NT5C2: variants seen among roughly 807,000 people sequenced by gnomAD.
NT5C2 encodes the protein 5'-nucleotidase, cytosolic II, also known as cytosolic purine 5'-nucleotidase.
Under a neutral mutation model 76.1 loss-of-function variants are expected in NT5C2, and 58 were observed. That is an observed-to-expected ratio of 0.76 (90% CI 0.62 to 0.95). The LOEUF is 0.95. Ranked by LOEUF, NT5C2 falls within the 40% of genes least tolerant of loss-of-function variation. The probability of loss-of-function intolerance (pLI) is 0.00; values close to 1 mark genes in which losing one functional copy is unlikely to be tolerated. For missense variants in NT5C2, 478 were observed against 690.3 expected (o/e 0.69, Z 3.45); for synonymous variants, 229 against 237.4 (o/e 0.96, Z 0.32).
intron 1 of NT5C2, among the ~76,000 whole-genome samples, chr10:103,190,082 C>T (rs2092519637): frequency 7.0e-6 from 1 of 143,172 alleles, no homozygotes. Context: ...CTCACTGCAA[C>T]CTCCGCCTCC....
intron 3 of NT5C2, among the ~76,000 whole-genome samples, chr10:103,172,407 C>A (rs2088401518): frequency 6.6e-6 from 1 of 151,406 alleles, no homozygotes; most frequent in Non-Finnish European, 1.5e-5. Flanking sequence ...TGCCACCACA[C>A]CCGGCTAATT....
intron 4 of NT5C2, among the ~76,000 whole-genome samples, chr10:103,137,053 T>C (rs938248887): frequency 5.9e-5 from 9 of 152,226 alleles, no homozygotes; most frequent in Non-Finnish European, 1.3e-4. Context: ...ACTTACTAAA[T>C]TGAACTATTT....
rs2136283111 is a variant in NT5C2, at chr10:103,139,588, A to AT, written c.102-110dup. The AT allele has an allele frequency of 1.1e-5, 9 of 792,912 alleles. No individual in the cohort carries two copies. The East Asian group carries it at 1.7e-4, about 15-fold the overall frequency. The allele number at this position is 792,912 out of a possible 1,614,324, so 49.1% of individuals were successfully genotyped here. On this transcript the variant is annotated intron_variant, in intron 3 of 18. Transcript: ENST00000404739. ...GTTTTCTCATTTATTTTTCCAATTG[A>AT]TTTTTTAAACTTTTAAAATTATATA...
intron 3 of NT5C2, among the ~76,000 whole-genome samples, chr10:103,158,598 C>G (rs909732259): frequency 6.6e-6 from 1 of 152,102 alleles, no homozygotes; most frequent in African/African-American, 2.4e-5. Context: ...CAGGCGATCA[C>G]TTGAGGTGAG....
intron 1 of NT5C2, among the ~76,000 whole-genome samples, chr10:103,189,538 G>C (rs576699040): frequency 2.0e-5 from 3 of 150,362 alleles, no homozygotes; most frequent in Non-Finnish European, 4.4e-5. Flanking sequence ...CCCAGGAAGC[G>C]GAGGCTGCAG....
At chr10:103,126,093 G>A (rs771187918) in intron 4 of NT5C2, among the ~76,000 whole-genome samples, 3 of 152,102 alleles carry the variant, frequency 2.0e-5, no homozygotes, top group Non-Finnish European at 2.9e-5. Context: ...TGAAAAACCT[G>A]GGGTATAGAA....
chr10:103,100,000 C>A lies in NT5C2; in HGVS notation c.559G>T (p.Asp187Tyr). The change falls in exon 9 of 19, where the codon GAT (aspartate) becomes TAT (tyrosine). Residue 187 changes from aspartate to tyrosine, a missense_variant. Transcript: ENST00000404739. ...CGGTAGGACATGAAGAGGTCCCCAT[C>A]TTTAAATCCTGTTTCACAACTACAG... is the stretch of plus-strand genomic sequence containing the variant. ...RYTSCETGFK[D>Y]GDLFMSYRSM... 6.2e-7 allele frequency: 1 copy of A among 1,610,220 alleles called. No individual in the cohort carries two copies. Among genetic ancestry groups the A allele is most frequent in the Non-Finnish European group, 8.5e-7 (1 of 1,176,878 alleles).
At chr10:103,189,443 TAA>T (rs1383120737) in intron 1 of NT5C2, among the ~76,000 whole-genome samples, 1 of 151,574 alleles carries the variant, frequency 6.6e-6, no homozygotes, top group Non-Finnish European at 1.5e-5. Flanking sequence ...CCATCTCTAC[TAA>T]AAATACAAAA....
Position 103,089,116 on chromosome 10 carries a change from T to C in NT5C2, c.*556A>G. On this transcript the variant is annotated 3_prime_UTR_variant, in exon 19 of 19. Transcript: ENST00000404739. ...AGAGCATACTTCTGTGCAAAGCCAG[T>C]GATAGAGAAGCAGCCTTGCCAGAGT... is the stretch of plus-strand genomic sequence containing the variant. 4.4e-6 allele frequency: 1 copy of C among 227,124 alleles called. No individual in the cohort carries two copies. Among genetic ancestry groups the C allele is most frequent in the Non-Finnish European group, 8.7e-6 (1 of 114,342 alleles). The allele number at this position is 227,124 out of a possible 1,614,324, so 14.1% of individuals were successfully genotyped here.
At chr10:103,115,346 G>A (rs2074078485) in intron 4 of NT5C2, among the ~76,000 whole-genome samples, 1 of 152,164 alleles carries the variant, frequency 6.6e-6, no homozygotes. Flanking sequence ...AGGTTGCAGT[G>A]AGTCGAGATT....
intron 3 of NT5C2, among the ~76,000 whole-genome samples, chr10:103,166,624 C>A (rs1383506692): frequency 1.3e-5 from 2 of 149,560 alleles, no homozygotes; most frequent in South Asian, 2.1e-4. Flanking sequence ...AACAAACAAA[C>A]AAAAAACAGA....
At chr10:103,090,186 T>C (rs1329833597) in intron 18 of NT5C2, 4 of 399,706 alleles carry the variant, frequency 1.0e-5, no homozygotes, top group East Asian at 3.9e-5. Flanking sequence ...AACAAGATAG[T>C]CCTGAAACAG....
At chr10:103,107,214 C>T (rs188242975) in intron 4 of NT5C2, among the ~76,000 whole-genome samples, 37 of 152,266 alleles carry the variant, frequency 2.4e-4, no homozygotes, top group African/African-American at 7.9e-4. Flanking sequence ...GCTTTATATG[C>T]CTTCTCCAAT....
At chr10:103,122,925 A>G (rs1054971059) in intron 4 of NT5C2, among the ~76,000 whole-genome samples, 2 of 152,176 alleles carry the variant, frequency 1.3e-5, no homozygotes, top group African/African-American at 2.4e-5. Context: ...ACACAGGTTT[A>G]CTCATTTCTC....
At chr10:103,102,686 A>T (rs1439277607) in intron 6 of NT5C2, among the ~76,000 whole-genome samples, 1 of 152,104 alleles carries the variant, frequency 6.6e-6, no homozygotes, top group Non-Finnish European at 1.5e-5. Context: ...AAAGAGTCAA[A>T]GATGATGATG....
intron 9 of NT5C2, among the ~76,000 whole-genome samples, chr10:103,099,621 T>C (rs1044494945): frequency 1.3e-5 from 2 of 152,062 alleles, no homozygotes; most frequent in African/African-American, 4.8e-5. Flanking sequence ...ACAAAAAAAA[T>C]GGACCACTGT....
intron 4 of NT5C2, among the ~76,000 whole-genome samples, chr10:103,136,000 T>C (rs2079133923): frequency 6.6e-6 from 1 of 151,978 alleles, no homozygotes; most frequent in Non-Finnish European, 1.5e-5. Context: ...GGCAGGAGAA[T>C]CTCTTGAACC....
chr10:103,094,524 C>G, intron 12 of NT5C2, 69 bp from the exon 13 acceptor site: 1 of 796,360 alleles, frequency 1.3e-6, no homozygotes, highest in African/African-American at 1.7e-5. Context: ...TTTAATCTCA[C>G]TCAGATGCAA....
At chr10:103,183,357 T>C (rs2091537426) in intron 1 of NT5C2, among the ~76,000 whole-genome samples, 1 of 134,908 alleles carries the variant, frequency 7.4e-6, no homozygotes, top group Non-Finnish European at 1.6e-5. Flanking sequence ...TTTTTAACAA[T>C]CTATCCCTCC....
Sources: allele counts gnomAD v4.1 joint callset (sites outside exome capture counted in the v4.1 genomes callset), GRCh38; gene constraint gnomAD v4.1.1; transcripts MANE v1.5; gene names NCBI Gene and HGNC (gene_info 2026-07-23, HGNC 2026-07-21).